Variants in ERC2 observed in about 807,000 individuals in gnomAD.
ERC2 encodes ERC protein 2.
A neutral mutation model predicts 114.8 loss-of-function variants in ERC2; 42 were observed. The ratio of observed to expected loss-of-function variants is 0.37; its 90% CI spans 0.29 to 0.47. ERC2 has a LOEUF of 0.47. Among genes scored for constraint, ERC2 ranks in the 20% least tolerant of loss-of-function variants. The pLI is 0.99. For synonymous variants in ERC2, 454 were observed against 425.5 expected, an observed-to-expected ratio of 1.07 and a Z score of -0.82; for missense variants, 939 against 1,150.7, an observed-to-expected ratio of 0.82 and a Z score of 2.66.
intron 3 of ERC2, among the ~76,000 whole-genome samples, chr3:56,186,787 C>G (rs1051062164): frequency 2.6e-5 from 4 of 152,192 alleles, no homozygotes; most frequent in Non-Finnish European, 5.9e-5. Context: ...GATCTGCCCA[C>G]CTCGGCCTCC....
At chr3:56,212,496 A>G (rs141997889) in intron 3 of ERC2, among the ~76,000 whole-genome samples, 8 of 152,362 alleles carry the variant, frequency 5.3e-5, no homozygotes, top group Non-Finnish European at 8.8e-5. Context: ...ACACTTTTAC[A>G]CTACTGGTGG....
rs1576218576 is a variant in ERC2, at chr3:56,275,014, T to C, written c.1074+21005A>G. Among the ~76,000 whole-genome samples, 4 of 152,166 alleles carry C rather than the reference T, an allele frequency of 2.6e-5. No homozygotes were observed. In the South Asian group the frequency reaches 8.3e-4, roughly 32 times the overall value. On this transcript the variant is annotated intron_variant, in intron 3 of 17. Coordinates refer to ENST00000288221, the MANE Select transcript of ERC2 (RefSeq NM_015576.3). ...GAGCCTCATCTTCCTTAAACACTTC[T>C]ACATTTAGCTGCCATCAACTTCACC...
At chr3:56,131,798 C>A (rs2080216210) in intron 6 of ERC2, among the ~76,000 whole-genome samples, 1 of 152,080 alleles carries the variant, frequency 6.6e-6, no homozygotes, top group African/African-American at 2.4e-5. Flanking sequence ...CCACAGTTAA[C>A]AATAATTTAT....
rs532599356 is a variant in ERC2, at chr3:55,852,534, A to AT, written c.2564+35854dup. On this transcript the variant is annotated intron_variant, in intron 14 of 17. Coordinates refer to ENST00000288221, the MANE Select transcript of ERC2 (RefSeq NM_015576.3). ...TGACCACCGGGTTATCTACAAGGGA[A>AT]TTTTTTAAATTAAAAAAAAATTCCC... 1.3e-3 allele frequency: 187 copies of AT among 145,784 alleles called. 1 individual carries two copies. The highest frequency in any genetic ancestry group is 6.0e-3 in the South Asian group (26 of 4,320). 9.0% of individuals were successfully genotyped at this position (145,784 alleles called of 1,614,324 possible).
chr3:56,002,979 C>T (rs1003215621), intron 10 of ERC2: 21 of 630,936 alleles, frequency 3.3e-5, no homozygotes, highest in East Asian at 7.2e-5. Context: ...TTTGACAGAA[C>T]GGAAAGGGGA....
intron 2 of ERC2, among the ~76,000 whole-genome samples, chr3:56,358,934 A>G (rs547330051): frequency 6.6e-6 from 1 of 152,356 alleles, no homozygotes; most frequent in South Asian, 2.1e-4. Flanking sequence ...AGAATATGCA[A>G]TTCTGGAAGA....
intron 17 of ERC2, among the ~76,000 whole-genome samples, chr3:55,645,958 G>A (rs936264562): frequency 4.6e-5 from 7 of 152,130 alleles, no homozygotes; most frequent in African/African-American, 1.7e-4. Flanking sequence ...TGGCTGGTGA[G>A]GGGGAAATAA....
intron 17 of ERC2, among the ~76,000 whole-genome samples, chr3:55,540,169 T>G (rs535309183): frequency 6.6e-6 from 1 of 152,332 alleles, no homozygotes; most frequent in East Asian, 1.9e-4. Flanking sequence ...TACCTGAGGT[T>G]ATATCCTACC....
At chr3:56,098,019 G>C (rs1163584170) in intron 6 of ERC2, among the ~76,000 whole-genome samples, 3 of 152,150 alleles carry the variant, frequency 2.0e-5, no homozygotes, top group Non-Finnish European at 4.4e-5. Context: ...GGGAAAATGT[G>C]CTGATAGCAT....
chr3:56,220,796 A>C (rs1280560788), intron 3 of ERC2, among the ~76,000 whole-genome samples: 1 of 152,214 alleles, frequency 6.6e-6, no homozygotes, highest in African/African-American at 2.4e-5. Flanking sequence ...TGGGAAGTAC[A>C]CATCTGGTAT....
At chr3:55,688,757 A>G (rs2062469297) in intron 16 of ERC2, among the ~76,000 whole-genome samples, 1 of 152,122 alleles carries the variant, frequency 6.6e-6, no homozygotes. Context: ...CCTCCTTCAT[A>G]CTGTGCCATG....
At chr3:55,819,553 C>T (rs1013473778) in intron 14 of ERC2, among the ~76,000 whole-genome samples, 1 of 152,130 alleles carries the variant, frequency 6.6e-6, no homozygotes, top group African/African-American at 2.4e-5. Context: ...AATAAAGGAA[C>T]TACACTATTT....
At chr3:55,723,196 A>G (rs1192257777) in intron 15 of ERC2, among the ~76,000 whole-genome samples, 1 of 152,216 alleles carries the variant, frequency 6.6e-6, no homozygotes, top group African/African-American at 2.4e-5. Context: ...TTAAAAGGCT[A>G]AACAAACTTT....
At chr3:56,221,776 C>T (rs1029429444) in intron 3 of ERC2, among the ~76,000 whole-genome samples, 6 of 152,002 alleles carry the variant, frequency 3.9e-5, no homozygotes, top group African/African-American at 7.2e-5. Flanking sequence ...TGGTAGTGGG[C>T]GCCTGTAGTC....
Position 56,262,260 on chromosome 3 carries a change from G to C in ERC2, c.1074+33759C>G, listed in dbSNP as rs568169722. Among the ~76,000 whole-genome samples, 336 of 152,238 alleles carry C rather than the reference G, an allele frequency of 2.2e-3. 3 individuals are homozygous for C. Among genetic ancestry groups the C allele is most frequent in the South Asian group, 0.021 (103 of 4,824 alleles). ...CCTGCTGTGTGGCTTGAAGAGCAGGGGCCACATCATCCCAGTACCCAGCAC... is the reference window on the plus strand; with the variant it reads ...CCTGCTGTGTGGCTTGAAGAGCAGGCGCCACATCATCCCAGTACCCAGCAC... On this transcript the variant is annotated intron_variant, in intron 3 of 17. Transcript: ENST00000288221.
intron 3 of ERC2, among the ~76,000 whole-genome samples, chr3:56,295,053 T>C (rs2055340941): frequency 6.6e-6 from 1 of 152,202 alleles, no homozygotes; most frequent in African/African-American, 2.4e-5. Context: ...ATGGAAGCCA[T>C]GTCTTCCGAC....
chr3:56,309,252 G>T (rs909069221), intron 2 of ERC2, among the ~76,000 whole-genome samples: 9 of 152,292 alleles, frequency 5.9e-5, no homozygotes, highest in African/African-American at 2.2e-4. Flanking sequence ...AAAAGCACTG[G>T]GACTCTGGGT....
At chr3:55,740,730 A>G (rs2065921559) in intron 14 of ERC2, among the ~76,000 whole-genome samples, 1 of 152,192 alleles carries the variant, frequency 6.6e-6, no homozygotes. Flanking sequence ...AGGCTAACAG[A>G]GCCATTGAAT....
intron 6 of ERC2, among the ~76,000 whole-genome samples, chr3:56,118,641 T>TC (rs2079389723): frequency 6.7e-6 from 1 of 149,112 alleles, no homozygotes. Flanking sequence ...CTTTTCTTTT[T>TC]TTTTTTTTTT....
Sources: allele counts gnomAD v4.1 joint callset (sites outside exome capture counted in the v4.1 genomes callset), GRCh38; gene constraint gnomAD v4.1.1; transcripts MANE v1.5; gene names NCBI Gene and HGNC (gene_info 2026-07-23, HGNC 2026-07-21).